The following PHC2 variants were observed in gnomAD, a reference collection of about 807,000 sequenced individuals.
PHC2 encodes polyhomeotic-like protein 2.
PHC2 carries 29 observed loss-of-function variants against 87.4 expected under a neutral mutation model. The ratio of observed to expected loss-of-function variants is 0.33; its 90% CI spans 0.25 to 0.45. The LOEUF (loss-of-function observed/expected upper bound fraction) is 0.45, where lower values mean the gene tolerates loss of function less well. Among genes scored for constraint, PHC2 ranks in the 20% least tolerant of loss-of-function variants. The pLI is 1.00. For synonymous variants in PHC2, 438 were observed against 461.7 expected, an observed-to-expected ratio of 0.95 and a Z score of 0.66; for missense variants, 857 against 1,136.7, an observed-to-expected ratio of 0.75 and a Z score of 3.54.
intron 7 of PHC2, among the ~76,000 whole-genome samples, chr1:33,357,326 T>G (rs941212899): frequency 6.6e-6 from 1 of 152,224 alleles, no homozygotes; most frequent in East Asian, 1.9e-4. Context: ...GGAGGTGCCT[T>G]CCTTCTTGAA....
intron 1 of PHC2, among the ~76,000 whole-genome samples, chr1:33,386,718 C>T (rs994930004): frequency 2.0e-5 from 3 of 152,124 alleles, no homozygotes; most frequent in East Asian, 3.9e-4. Flanking sequence ...ACACAGCACA[C>T]AGTGCATACA....
At chr1:33,376,658 C>T (rs377596735) in intron 1 of PHC2, among the ~76,000 whole-genome samples, 13 of 152,276 alleles carry the variant, frequency 8.5e-5, no homozygotes, top group South Asian at 2.1e-4. Context: ...AGGCCGGGTG[C>T]GGTGGCTCAT....
intron 1 of PHC2, among the ~76,000 whole-genome samples, chr1:33,399,778 T>C (rs1004512404): frequency 6.6e-6 from 1 of 152,032 alleles, no homozygotes; most frequent in Non-Finnish European, 1.5e-5. Flanking sequence ...TGACCCCAAG[T>C]GACTTTAGGT....
intron 1 of PHC2, among the ~76,000 whole-genome samples, chr1:33,394,945 C>T (rs1649234414): frequency 6.6e-6 from 1 of 152,142 alleles, no homozygotes; most frequent in Admixed American, 6.5e-5. Context: ...TCTTATAAAA[C>T]TAAACATTCA....
At chr1:33,429,823 T>C (rs2148414459) in intron 1 of PHC2, among the ~76,000 whole-genome samples, 1 of 152,268 alleles carries the variant, frequency 6.6e-6, no homozygotes, top group East Asian at 1.9e-4. Context: ...TTTCTGGTAC[T>C]TTTCAATTGT....
intron 1 of PHC2, among the ~76,000 whole-genome samples, chr1:33,423,914 T>C (rs1650558444): frequency 6.6e-6 from 1 of 152,008 alleles, no homozygotes; most frequent in Non-Finnish European, 1.5e-5. Context: ...CTGGACAACG[T>C]GGTGAAACCA....
chr1:33,324,827 G>A lies in PHC2; in HGVS notation c.*38C>T, dbSNP rs999622512. On this transcript the variant is annotated 3_prime_UTR_variant, in exon 15 of 15. Transcript: ENST00000683057. Reference sequence around the variant, plus strand: ...TCTGTCTGGCTCTGCTCAGTCGGGAGGAGGCGCCCTGGGCCAGAATCCTGG... The same window carrying A: ...TCTGTCTGGCTCTGCTCAGTCGGGAAGAGGCGCCCTGGGCCAGAATCCTGG... 6.3e-7 allele frequency: 1 copy of A among 1,588,380 alleles called. No homozygotes were observed. Among genetic ancestry groups the A allele is most frequent in the African/African-American group, 1.3e-5 (1 of 74,488 alleles).
intron 9 of PHC2, among the ~76,000 whole-genome samples, chr1:33,338,052 C>T (rs1041606913): frequency 2.6e-5 from 4 of 152,212 alleles, no homozygotes; most frequent in African/African-American, 9.6e-5. Context: ...AACAGCCCCC[C>T]TCTGACCTTG....
At chr1:33,335,267 A>T (rs1206542535) in intron 9 of PHC2, 1 of 984,914 alleles carries the variant, frequency 1.0e-6, no homozygotes, top group Non-Finnish European at 1.2e-6. Context: ...TCATCTCCTC[A>T]CTTCTGTAAC....
chr1:33,414,145 C>G (rs1216741030), intron 1 of PHC2, among the ~76,000 whole-genome samples: 1 of 150,380 alleles, frequency 6.6e-6, no homozygotes, highest in African/African-American at 2.4e-5. Context: ...AGTGCCCATG[C>G]ATCATGTTTA....
chr1:33,362,759 CTT>C (rs10607655), intron 7 of PHC2, among the ~76,000 whole-genome samples: 92,755 of 151,500 alleles, frequency 0.61, 29,533 homozygotes, highest in African/African-American at 0.82. Context: ...ATTCTTGAAA[CTT>C]AATCATGTTT....
intron 9 of PHC2, among the ~76,000 whole-genome samples, chr1:33,344,640 G>C (rs1646812132): frequency 6.6e-6 from 1 of 152,146 alleles, no homozygotes. Context: ...GCCTCGCTCT[G>C]TCACCCAGGC....
At position 33,354,904 on chromosome 1, in the gene PHC2, G is replaced by A. The variant is rs780896782; in HGVS notation, c.1326C>T (p.His442=). ...PQNGHPEGVP[H]TPQRRFQHTS... ...TGTGCTGGAACCTGCGTTGAGGGGT[G>A]TGGGGCACGCCCTCGGGATGTCCAT... Residue 442 remains histidine, a synonymous_variant, in exon 8 of 15, where the codon CAC becomes CAT. Coordinates refer to ENST00000683057, the MANE Select transcript of PHC2 (RefSeq NM_001385109.1). The A allele has an allele frequency of 5.0e-6, 8 of 1,614,240 alleles. No individual in the cohort carries two copies. The highest frequency in any genetic ancestry group is 6.8e-6 in the Non-Finnish European group (8 of 1,180,040).
chr1:33,390,120 G>T (rs1648973512), intron 1 of PHC2, among the ~76,000 whole-genome samples: 1 of 152,136 alleles, frequency 6.6e-6, no homozygotes, highest in Non-Finnish European at 1.5e-5. Flanking sequence ...TGAGTTCCTA[G>T]TCGGTGGAGG....
Position 33,368,598 on chromosome 1 carries a change from C to T in PHC2, c.601G>A (p.Val201Ile), listed in dbSNP as rs1385685839. Residue 201 changes from valine (V) to isoleucine (I), a missense_variant, in exon 6 of 15, where the codon GTC (valine) becomes ATC (isoleucine). Physicochemically the swap from Val to Ile is conservative, Grantham distance 29 (BLOSUM62 3). Around this residue, in one of 3 missense-constraint regions of PHC2, gnomAD observed 832 missense variants for 1,081.8 expected, o/e 0.77. Transcript: ENST00000683057. This position sits in a 1 kb window ranked among gnomAD's most constrained non-coding sequence, Gnocchi z 6.6. The stretch of plus-strand genomic sequence containing the variant: ...CCGAGCTCAGGCTGCACAGTAGCGA[C>T]GGTGGCCGTGGGCGTGAAGATGAGC... ...QMLIFTPTAT[V>I]ATVQPELGTG... is the part of the protein sequence containing the mutation. 4.5e-6 allele frequency: 7 copies of T among 1,551,118 alleles called. No homozygotes were observed. Among genetic ancestry groups the T allele is most frequent in the South Asian group, 1.2e-5 (1 of 84,050 alleles).
intron 9 of PHC2, among the ~76,000 whole-genome samples, chr1:33,353,052 C>A (rs1445349421): frequency 1.3e-5 from 2 of 152,132 alleles, no homozygotes; most frequent in Non-Finnish European, 2.9e-5. Context: ...CCTCTAAAGA[C>A]TAGTAGCTGT....
intron 9 of PHC2, chr1:33,346,730 A>G: frequency 2.0e-6 from 2 of 985,370 alleles, no homozygotes; most frequent in Non-Finnish European, 2.4e-6. Context: ...TACTTGGCAA[A>G]TGGTTACTGA....
chr1:33,361,263 CATG>C (rs1230927882), intron 7 of PHC2, among the ~76,000 whole-genome samples: 3 of 152,206 alleles, frequency 2.0e-5, no homozygotes, highest in Non-Finnish European at 4.4e-5. Flanking sequence ...AAGTCATTAA[CATG>C]ATATTGAGTG....
chr1:33,393,829 T>C (rs1649182822), intron 1 of PHC2, among the ~76,000 whole-genome samples: 1 of 86,842 alleles, frequency 1.2e-5, no homozygotes, highest in Non-Finnish European at 2.4e-5. Flanking sequence ...CAATTCAAAA[T>C]CCCTATCCTA....
Sources: gnomAD v4.1 joint callset for allele counts (sites outside exome capture counted in the v4.1 genomes callset) on GRCh38, gnomAD v4.1.1 for gene constraint, gnomAD v4.1.1 regional missense constraint, Gnocchi (gnomAD v3.1) non-coding constraint, MANE v1.5 for transcripts, NCBI Gene and HGNC (gene_info 2026-07-23, HGNC 2026-07-21) for gene names.